Variants in MAMLD1 observed in about 807,000 individuals in gnomAD.
MAMLD1 encodes the protein mastermind-like domain-containing protein 1.
A neutral mutation model predicts 45.0 loss-of-function variants in MAMLD1; 14 were observed. That is an observed-to-expected ratio of 0.31 (90% CI 0.21 to 0.49). MAMLD1 has a LOEUF of 0.49. Among genes scored for constraint, MAMLD1 ranks in the 20% least tolerant of loss-of-function variants. MAMLD1 has a pLI of 0.99. For synonymous variants in MAMLD1, 254 were observed against 247.8 expected, an observed-to-expected ratio of 1.02 and a Z score of -0.24; for missense variants, 543 against 603.6, an observed-to-expected ratio of 0.90 and a Z score of 1.05.
Position 150,473,666 on chromosome X carries a change from T to C in MAMLD1, c.1918-14T>C. ...TCTGCAGTTCAGGAGCACTTTGGTT[T>C]GATTTTATTATAGGGCTGTTGCCAT... On this transcript the variant is annotated splice_polypyrimidine_tract_variant and intron_variant, in intron 4 of 7. Coordinates refer to ENST00000370401, the MANE Select transcript of MAMLD1 (RefSeq NM_005491.5). The C allele has an allele frequency of 8.3e-7, 1 of 1,210,939 alleles. No homozygotes were observed. The highest frequency in any genetic ancestry group is 1.1e-6 in the Non-Finnish European group (1 of 894,981).
intron 1 of MAMLD1, among the ~76,000 whole-genome samples, chrX:150,382,732 G>A (rs2032676044): frequency 9.0e-6 from 1 of 110,630 alleles, no homozygotes; most frequent in African/African-American, 3.3e-5. Context: ...ATTCAAAAAT[G>A]TCAATATTTT....
chrX:150,503,586 C>G (rs1428357702), intron 6 of MAMLD1, 69 bp downstream of exon 6: 11 of 651,589 alleles, frequency 1.7e-5, no homozygotes, highest in Admixed American at 2.6e-5. Flanking sequence ...GCTCAGCCTG[C>G]CCGCCTGCCT....
chrX:150,513,270 G>T lies in MAMLD1; in HGVS notation c.*1311G>T. 1 of 401,289 alleles carries T rather than the reference G, an allele frequency of 2.5e-6. No individual in the cohort carries two copies. The highest frequency in any genetic ancestry group is 4.3e-6 in the Non-Finnish European group (1 of 234,893). The allele number at this position is 401,289 out of a possible 1,213,427, so 33.1% of individuals were successfully genotyped here. A position where few individuals can be genotyped will look rare whatever the true frequency, so the allele number is the denominator to read the frequency against. On this transcript the variant is annotated 3_prime_UTR_variant, in exon 8 of 8. Transcript: ENST00000370401. ...TACATATTTGAAAATTTTGTAAATG[G>T]TTTTCCTAAACATTAATGACAGAAG...
At chrX:150,466,684 A>G (rs781888001) in intron 3 of MAMLD1, among the ~76,000 whole-genome samples, 12 of 112,295 alleles carry the variant, frequency 1.1e-4, no homozygotes, top group Non-Finnish European at 1.7e-4. Flanking sequence ...TAGAATTGGA[A>G]TTGATCAGGG....
intron 1 of MAMLD1, among the ~76,000 whole-genome samples, chrX:150,423,588 C>T (rs1186295638): frequency 9.5e-5 from 10 of 105,490 alleles, no homozygotes; most frequent in African/African-American, 3.1e-4. Context: ...GCTTCTAGTG[C>T]CATAGTGCTT....
intron 1 of MAMLD1, among the ~76,000 whole-genome samples, chrX:150,381,227 T>C (rs782096159): frequency 1.2e-3 from 138 of 112,227 alleles, no homozygotes; most frequent in Non-Finnish European, 2.2e-3. Flanking sequence ...TAACAGCCTT[T>C]TATTTTGAGA....
chrX:150,414,511 G>A (rs1444954546), intron 1 of MAMLD1, among the ~76,000 whole-genome samples: 6 of 111,204 alleles, frequency 5.4e-5, no homozygotes, highest in Middle Eastern at 4.6e-3. Context: ...GCTGCCTCCC[G>A]GCTTCCTTCA....
Position 150,503,508 on chromosome X carries a change from G to A in MAMLD1, c.2275G>A (p.Asp759Asn), listed in dbSNP as rs782460273. 11 of 1,102,244 alleles carry A rather than the reference G, an allele frequency of 1.0e-5. No homozygotes were observed. The highest frequency in any genetic ancestry group is 3.1e-5 in the East Asian group (1 of 32,309). 90.8% of individuals were successfully genotyped at this position (1,102,244 alleles called of 1,213,427 possible). A position where few individuals can be genotyped will look rare whatever the true frequency, so the allele number is the denominator to read the frequency against. ...GCCCGCTCCACTACTGCCTAGCTGCGACGCCACAGGTAAGTCACTTCCCCC... is the reference window on the plus strand; with the variant it reads ...GCCCGCTCCACTACTGCCTAGCTGCAACGCCACAGGTAAGTCACTTCCCCC... ...QVPAPLLPSC[D>N]ATARGTEIRS... is the part of the protein sequence containing the mutation. The change falls in exon 6 of 8, where the codon GAC becomes AAC. Residue 759 changes from aspartate (D) to asparagine (N), a missense_variant. Coordinates refer to ENST00000370401, the MANE Select transcript of MAMLD1 (RefSeq NM_005491.5).
chrX:150,512,035 C>T lies in MAMLD1; in HGVS notation c.*76C>T. ...AAGAACAAGTCACCTCCAAGTGTAG[C>T]CGGATCAAGGCAAGCCCCCCATCTA... is the stretch of plus-strand genomic sequence containing the variant. On this transcript the variant is annotated 3_prime_UTR_variant, in exon 8 of 8. Coordinates refer to ENST00000370401, the MANE Select transcript of MAMLD1 (RefSeq NM_005491.5). 9.0e-7 allele frequency: 1 copy of T among 1,106,981 alleles called. No homozygotes were observed. 91.2% of individuals were successfully genotyped at this position (1,106,981 alleles called of 1,213,427 possible).
chrX:150,364,473 C>T (rs1478497441), intron 1 of MAMLD1, among the ~76,000 whole-genome samples: 3 of 112,964 alleles, frequency 2.7e-5, no homozygotes, highest in Non-Finnish European at 5.6e-5. Flanking sequence ...AGCATTCACT[C>T]CCGCCCCGCC....
chrX:150,408,559 C>CT (rs2034051712), intron 1 of MAMLD1, among the ~76,000 whole-genome samples: 1 of 112,236 alleles, frequency 8.9e-6, no homozygotes, highest in Non-Finnish European at 1.9e-5. Flanking sequence ...TCCATGTCAA[C>CT]TTTTATCTGT....
intron 5 of MAMLD1, among the ~76,000 whole-genome samples, chrX:150,492,290 G>A (rs926973523): frequency 7.1e-5 from 8 of 112,982 alleles, no homozygotes; most frequent in East Asian, 5.6e-4. Flanking sequence ...TAAAGTGGAG[G>A]TGCAGTGGCT....
At chrX:150,462,409 G>T (rs1198470898) in intron 2 of MAMLD1, among the ~76,000 whole-genome samples, 2 of 111,936 alleles carry the variant, frequency 1.8e-5, no homozygotes, top group Non-Finnish European at 3.8e-5. Flanking sequence ...ATTCAGGATA[G>T]TTCCCTGGAG....
chrX:150,423,523 A>T (rs1402422255), intron 1 of MAMLD1, among the ~76,000 whole-genome samples: 5 of 110,319 alleles, frequency 4.5e-5, no homozygotes, highest in African/African-American at 1.3e-4. Context: ...ATCTATGCCT[A>T]CCAGTACTGA....
chrX:150,440,857 TTATTTAATAATTAATAA>T (rs1557404499), intron 1 of MAMLD1, among the ~76,000 whole-genome samples: 1 of 104,793 alleles, frequency 9.5e-6, no homozygotes, highest in Non-Finnish European at 1.9e-5. Flanking sequence ...AAATTATTAT[TTATTTAATAATTAATAA>T]TATTTAATAT....
chrX:150,471,156 G>T lies in MAMLD1; in HGVS notation c.1583G>T (p.Ser528Ile). ...ATGATCATGCAGCAGGGGATGGCAAGCTCCAGCCCAGGAGCCACGGAGCCA... is the reference window on the plus strand; with the variant it reads ...ATGATCATGCAGCAGGGGATGGCAATCTCCAGCCCAGGAGCCACGGAGCCA... ...LSMIMQQGMASSSPGATEPFT... is the reference protein window; with the variant it reads ...LSMIMQQGMAISSPGATEPFT... Residue 528 changes from serine to isoleucine, a missense_variant, in exon 4 of 8, where the codon AGC becomes ATC. By Grantham distance (142) the Ser-to-Ile change is moderately radical. Coordinates refer to ENST00000370401, the MANE Select transcript of MAMLD1 (RefSeq NM_005491.5). 1 of 1,211,634 alleles carries T rather than the reference G, an allele frequency of 8.3e-7. No homozygotes were observed. Among genetic ancestry groups the T allele is most frequent in the East Asian group, 3.0e-5 (1 of 33,827 alleles).
chrX:150,438,766 G>A (rs781898675), intron 1 of MAMLD1, among the ~76,000 whole-genome samples: 11 of 112,379 alleles, frequency 9.8e-5, no homozygotes, highest in Non-Finnish European at 1.5e-4. Flanking sequence ...ATTAATTGAT[G>A]TACATTCGGT....
chrX:150,421,621 A>G (rs2034518528), intron 1 of MAMLD1, among the ~76,000 whole-genome samples: 1 of 112,347 alleles, frequency 8.9e-6, no homozygotes, highest in African/African-American at 3.2e-5. Flanking sequence ...ACATGTATGC[A>G]AACCTATAGG....
chrX:150,430,645 T>TGTGTAAG (rs2034905861), intron 1 of MAMLD1, among the ~76,000 whole-genome samples: 2 of 112,220 alleles, frequency 1.8e-5, no homozygotes. Flanking sequence ...AGTGAATTTT[T>TGTGTAAG]GTGTAAGGTA....
Sources: allele counts gnomAD v4.1 joint callset (sites outside exome capture counted in the v4.1 genomes callset), GRCh38; gene constraint gnomAD v4.1.1; transcripts MANE v1.5; gene names NCBI Gene and HGNC (gene_info 2026-07-23, HGNC 2026-07-21).